The following NAALAD2 variants were observed in gnomAD, a reference collection of about 807,000 sequenced individuals.
NAALAD2 encodes the protein N-acetylated alpha-linked acidic dipeptidase 2, also known as N-acetylated-alpha-linked acidic dipeptidase 2.
NAALAD2 carries 89 observed loss-of-function variants against 95.6 expected under a neutral mutation model. That is an observed-to-expected ratio of 0.93 (90% CI 0.78 to 1.11). NAALAD2 has a LOEUF of 1.11. NAALAD2 is among the 50% of genes least tolerant of loss of function. The pLI is 0.00. For missense variants in NAALAD2, 894 were observed against 872.4 expected, an observed-to-expected ratio of 1.02 and a Z score of -0.31; for synonymous variants, 264 against 294.4, an observed-to-expected ratio of 0.90 and a Z score of 1.06.
intron 6 of NAALAD2, among the ~76,000 whole-genome samples, chr11:90,154,600 T>C (rs936121954): frequency 3.3e-5 from 5 of 151,604 alleles, no homozygotes; most frequent in Non-Finnish European, 7.4e-5. Flanking sequence ...TTTCTTGTAA[T>C]ATCTTTGTGT....
intron 1 of NAALAD2, 39 bp from the exon 2 acceptor site, chr11:90,135,520 G>A (rs746546075): frequency 1.4e-6 from 2 of 1,408,574 alleles, no homozygotes; most frequent in South Asian, 1.3e-5. Flanking sequence ...AAGTGATTTT[G>A]TGTGTATGTG....
rs2134972864 is a variant in NAALAD2 at position 90,178,064 on chromosome 11, A to T, written c.1805A>T (p.Tyr602Phe). 10 of 1,613,694 alleles carry T rather than the reference A, an allele frequency of 6.2e-6. No homozygotes were observed. The highest frequency in any genetic ancestry group is 2.2e-5 in the East Asian group (1 of 44,814). ...EALKNYAASIYNLSKKHDQQL... is the reference protein window; with the variant it reads ...EALKNYAASIFNLSKKHDQQL... ...TTGAAAAACTATGCAGCAAGTATCT[A>T]TAATCTATCTAAGAAACATGATCAA... Residue 602 changes from tyrosine (Y) to phenylalanine (F), a missense_variant, in exon 16 of 19, where the codon TAT becomes TTT. By Grantham distance (22) the Tyr-to-Phe change is conservative. Coordinates refer to ENST00000534061, the MANE Select transcript of NAALAD2 (RefSeq NM_005467.4).
chr11:90,150,211 T>C (rs1951849675), intron 4 of NAALAD2, among the ~76,000 whole-genome samples: 1 of 150,614 alleles, frequency 6.6e-6, no homozygotes. Flanking sequence ...GCCGAGGGAG[T>C]GCTACTGCAC....
At position 90,182,838 on chromosome 11, in the gene NAALAD2, C is replaced by G. The variant is rs913811071; in HGVS notation, c.1941-78C>G. On this transcript the variant is annotated intron_variant, in intron 17 of 18. Coordinates refer to ENST00000534061, the MANE Select transcript of NAALAD2 (RefSeq NM_005467.4). ...AATTTTAGAAATATATTTTCCCAAG[C>G]CTTGTTTTTATTTAATATTATTTTT... The G allele has an allele frequency of 8.7e-5, 84 of 969,376 alleles. 1 individual carries two copies. In the Middle Eastern group the frequency reaches 9.3e-4, roughly 11 times the overall value. The allele number at this position is 969,376 out of a possible 1,614,324, so 60.0% of individuals were successfully genotyped here. A position where few individuals can be genotyped will look rare whatever the true frequency, so the allele number is the denominator to read the frequency against.
intron 18 of NAALAD2, among the ~76,000 whole-genome samples, chr11:90,188,064 C>T (rs1943355): frequency 0.31 from 47,646 of 151,952 alleles, 8,248 homozygotes; most frequent in Non-Finnish European, 0.39. Flanking sequence ...AACAGCCAGA[C>T]TGGTTACAGC....
chr11:90,144,148 A>T (rs1223491230), intron 2 of NAALAD2, among the ~76,000 whole-genome samples: 1 of 152,146 alleles, frequency 6.6e-6, no homozygotes, highest in Non-Finnish European at 1.5e-5. Flanking sequence ...AAGAATGATG[A>T]CAAGAACAGG....
Position 90,158,131 on chromosome 11 carries a change from T to C in NAALAD2, c.797-14T>C. The C allele has an allele frequency of 6.4e-7, 1 of 1,568,378 alleles. No individual in the cohort carries two copies. The highest frequency in any genetic ancestry group is 2.2e-5 in the East Asian group (1 of 44,504). On this transcript the variant is annotated splice_polypyrimidine_tract_variant and intron_variant, in intron 6 of 18. Coordinates refer to ENST00000534061, the MANE Select transcript of NAALAD2 (RefSeq NM_005467.4). ...TTTTAAATTGTTTTCATTTTATGCATTTGATTTTTTTAGAATACACTTTCA... is the reference window on the plus strand; with the variant it reads ...TTTTAAATTGTTTTCATTTTATGCACTTGATTTTTTTAGAATACACTTTCA...
intron 8 of NAALAD2, among the ~76,000 whole-genome samples, chr11:90,159,741 G>C (rs948752446): frequency 4.0e-5 from 6 of 151,680 alleles, no homozygotes; most frequent in Non-Finnish European, 7.4e-5. Flanking sequence ...ACCTGAGGTT[G>C]GGAGTTCAAG....
intron 17 of NAALAD2, among the ~76,000 whole-genome samples, chr11:90,182,165 T>G (rs1009288627): frequency 6.6e-6 from 1 of 152,152 alleles, no homozygotes; most frequent in African/African-American, 2.4e-5. Flanking sequence ...AAATTCTTTT[T>G]TCATGGATAA....
At chr11:90,150,420 A>AT in intron 4 of NAALAD2, 62 bp from the exon 5 acceptor site, 2 of 1,172,692 alleles carry the variant, frequency 1.7e-6, no homozygotes, top group Non-Finnish European at 2.3e-6. Context: ...AAGCAAACTT[A>AT]TTTTTTGTTT....
chr11:90,148,898 C>A lies in NAALAD2; in HGVS notation c.382-108C>A, dbSNP rs1345078272. ...TCAGTGTAATTTATCTATTACAGAA[C>A]CTTGTTCCAGGATGCTTAATCTGAA... On this transcript the variant is annotated intron_variant, in intron 3 of 18. Coordinates refer to ENST00000534061, the MANE Select transcript of NAALAD2 (RefSeq NM_005467.4). 6 of 609,910 alleles carry A rather than the reference C, an allele frequency of 9.8e-6. No individual in the cohort carries two copies. In the African/African-American group the frequency reaches 1.1e-4, roughly 12 times the overall value. 37.8% of individuals were successfully genotyped at this position (609,910 alleles called of 1,614,324 possible). A position where few individuals can be genotyped will look rare whatever the true frequency, so the allele number is the denominator to read the frequency against.
At chr11:90,168,451 G>A (rs1385598383) in intron 11 of NAALAD2, among the ~76,000 whole-genome samples, 3 of 152,178 alleles carry the variant, frequency 2.0e-5, no homozygotes, top group Non-Finnish European at 4.4e-5. Context: ...TGGTTGCAGT[G>A]AGCTGAGATC....
chr11:90,160,156 C>G (rs1306336398), intron 8 of NAALAD2, among the ~76,000 whole-genome samples: 2 of 152,150 alleles, frequency 1.3e-5, no homozygotes, highest in South Asian at 2.1e-4. Context: ...TAATACTCTT[C>G]TAGAAGAGAT....
intron 18 of NAALAD2, among the ~76,000 whole-genome samples, chr11:90,190,213 G>C (rs1857282310): frequency 6.6e-6 from 1 of 151,978 alleles, no homozygotes; most frequent in African/African-American, 2.4e-5. Context: ...AATTCTTTTA[G>C]AACAGTACTT....
In NAALAD2 at chr11:90,192,831, G is replaced by T. The variant is rs1857372079; in HGVS notation, c.*1084G>T. 1 of 151,952 alleles carries T rather than the reference G, an allele frequency of 6.6e-6. No homozygotes were observed. The highest frequency in any genetic ancestry group is 1.5e-5 in the Non-Finnish European group (1 of 67,884). 9.4% of individuals were successfully genotyped at this position (151,952 alleles called of 1,614,324 possible). On this transcript the variant is annotated 3_prime_UTR_variant, in exon 19 of 19. Coordinates refer to ENST00000534061, the MANE Select transcript of NAALAD2 (RefSeq NM_005467.4). ...TCTGCAAACTTTTATGCAGATCCCA[G>T]TGACTCAATTACATGTTCAACTATG...
chr11:90,187,918 C>T (rs1857206689), intron 18 of NAALAD2, among the ~76,000 whole-genome samples: 2 of 152,134 alleles, frequency 1.3e-5, no homozygotes, highest in African/African-American at 2.4e-5. Flanking sequence ...AAAACATTAG[C>T]CAAATTATAT....
At chr11:90,165,075 T>A (rs1321383492) in intron 11 of NAALAD2, among the ~76,000 whole-genome samples, 2 of 152,152 alleles carry the variant, frequency 1.3e-5, no homozygotes, top group Non-Finnish European at 2.9e-5. Context: ...GTGGTATTTA[T>A]TTTTCTGTTT....
rs1191401694 is a variant in NAALAD2, at chr11:90,135,673, A to T, written c.194+3A>T. On this transcript the variant is annotated splice_donor_region_variant and intron_variant, in intron 2 of 18. Transcript: ENST00000534061. ...GAAAACATCAAATCATTTCTTCGGT[A>T]AGTTTATTTTACGTATTTGATCTTA... 3 of 1,605,404 alleles carry T rather than the reference A, an allele frequency of 1.9e-6. No individual in the cohort carries two copies. The African/African-American group carries it at 4.0e-5, about 22-fold the overall frequency.
chr11:90,140,445 C>T (rs965978143), intron 2 of NAALAD2, among the ~76,000 whole-genome samples: 1 of 118,826 alleles, frequency 8.4e-6, no homozygotes, highest in African/African-American at 3.9e-5. Flanking sequence ...CGTGACAAAC[C>T]TCTTCTTTTT....
Sources: allele counts gnomAD v4.1 joint callset (sites outside exome capture counted in the v4.1 genomes callset), GRCh38; gene constraint gnomAD v4.1.1; transcripts MANE v1.5; gene names NCBI Gene and HGNC (gene_info 2026-07-23, HGNC 2026-07-21).